Variants in LRRTM4 observed in about 807,000 individuals in gnomAD.
LRRTM4 encodes leucine rich repeat transmembrane neuronal 4.
A neutral mutation model predicts 47.6 loss-of-function variants in LRRTM4; 25 were observed. The observed-to-expected ratio is 0.53, with a 90% confidence interval of 0.38 to 0.73. The LOEUF (loss-of-function observed/expected upper bound fraction) is 0.73. Among genes scored for constraint, LRRTM4 ranks in the 30% least tolerant of loss-of-function variants. The pLI is 0.00. For synonymous variants in LRRTM4, 311 were observed against 269.5 expected, an observed-to-expected ratio of 1.15 and a Z score of -1.51; for missense variants, 638 against 713.4, an observed-to-expected ratio of 0.89 and a Z score of 1.20.
intron 3 of LRRTM4, among the ~76,000 whole-genome samples, chr2:76,919,708 G>A (rs1674374372): frequency 1.3e-5 from 2 of 152,100 alleles, no homozygotes; most frequent in South Asian, 4.1e-4. Flanking sequence ...TATTTTTACA[G>A]CCATTTTACT....
chr2:77,247,341 T>C (rs923447427), intron 3 of LRRTM4, among the ~76,000 whole-genome samples: 2 of 152,126 alleles, frequency 1.3e-5, no homozygotes, highest in Non-Finnish European at 2.9e-5. Flanking sequence ...AGTTAAAACT[T>C]GGTGTAGGTG....
At chr2:76,957,116 G>A (rs931807786) in intron 3 of LRRTM4, among the ~76,000 whole-genome samples, 8 of 151,642 alleles carry the variant, frequency 5.3e-5, no homozygotes, top group African/African-American at 1.9e-4. Context: ...GCTACAACAT[G>A]GATACACTTT....
chr2:77,221,301 C>T (rs1023732429), intron 3 of LRRTM4, among the ~76,000 whole-genome samples: 6 of 152,016 alleles, frequency 3.9e-5, no homozygotes, highest in East Asian at 1.9e-4. Context: ...CATCAACTAA[C>T]GAGCAAAATA....
intron 3 of LRRTM4, among the ~76,000 whole-genome samples, chr2:77,225,003 G>A (rs998838136): frequency 1.3e-5 from 2 of 150,770 alleles, no homozygotes; most frequent in Non-Finnish European, 1.5e-5. Context: ...AGAAAATGTG[G>A]CACATCTACA....
At chr2:77,465,601 T>TG (rs1378431027) in intron 3 of LRRTM4, among the ~76,000 whole-genome samples, 1 of 151,804 alleles carries the variant, frequency 6.6e-6, no homozygotes, top group Middle Eastern at 3.2e-3. Flanking sequence ...TGGGGAAGGG[T>TG]GGGGGTCAAG....
intron 3 of LRRTM4, among the ~76,000 whole-genome samples, chr2:77,268,955 A>G (rs191541506): frequency 6.6e-6 from 1 of 152,282 alleles, no homozygotes; most frequent in East Asian, 1.9e-4. Flanking sequence ...CAGGGCCCAG[A>G]AATACCTTTT....
chr2:77,406,197 C>T (rs1331771010), intron 3 of LRRTM4, among the ~76,000 whole-genome samples: 2 of 151,936 alleles, frequency 1.3e-5, no homozygotes, highest in Non-Finnish European at 2.9e-5. Flanking sequence ...AAAAGATATA[C>T]CTGAAAGCTG....
At chr2:76,960,218 A>G (rs572960449) in intron 3 of LRRTM4, among the ~76,000 whole-genome samples, 9 of 151,838 alleles carry the variant, frequency 5.9e-5, no homozygotes, top group African/African-American at 2.2e-4. Flanking sequence ...TAGAACAGCT[A>G]TCTCGTGGAA....
At chr2:77,339,262 T>C (rs1056562664) in intron 3 of LRRTM4, among the ~76,000 whole-genome samples, 1 of 152,028 alleles carries the variant, frequency 6.6e-6, no homozygotes, top group Non-Finnish European at 1.5e-5. Flanking sequence ...TTTAAAAAAC[T>C]GTAATTGTTT....
chr2:76,814,258 AC>A (rs1670832732), intron 3 of LRRTM4, among the ~76,000 whole-genome samples: 2 of 152,162 alleles, frequency 1.3e-5, no homozygotes, highest in Non-Finnish European at 2.9e-5. Flanking sequence ...AGAAAGAATA[AC>A]TTTTTACAGC....
chr2:76,840,017 C>T (rs1023396557), intron 3 of LRRTM4, among the ~76,000 whole-genome samples: 4 of 151,908 alleles, frequency 2.6e-5, no homozygotes, highest in Admixed American at 1.3e-4. Context: ...TAAGGCAGAC[C>T]CCCTGCTGCC....
intron 3 of LRRTM4, among the ~76,000 whole-genome samples, chr2:76,807,418 ATATATACATATATATATACG>A (rs1185884704): frequency 8.3e-5 from 7 of 84,582 alleles, no homozygotes; most frequent in Non-Finnish European, 1.4e-4. Flanking sequence ...GTATATATAT[ATATATACATATATATATACG>A]TATATACATA....
chr2:76,795,720 G>A (rs546342524), intron 3 of LRRTM4, among the ~76,000 whole-genome samples: 23 of 152,138 alleles, frequency 1.5e-4, no homozygotes, highest in South Asian at 4.1e-4. Flanking sequence ...TACTGATGTC[G>A]TTTCCTTTGG....
rs942372048 is a variant in LRRTM4 at position 77,139,485 on chromosome 2, A to G, written c.1551+378833T>C. ...TATTGATGGGGCGTATCTCAAAATA[A>G]TAAGAGCTATTTATGACAAACCCAC... On this transcript the variant is annotated intron_variant, in intron 3 of 3. Transcript: ENST00000409884. Among the ~76,000 whole-genome samples the G allele has an allele frequency of 2.6e-5, 4 of 152,284 alleles. No individual in the cohort carries two copies. The South Asian group carries it at 6.2e-4, about 24-fold the overall frequency.
chr2:77,152,506 T>C (rs1672456638), intron 3 of LRRTM4, among the ~76,000 whole-genome samples: 2 of 151,896 alleles, frequency 1.3e-5, no homozygotes, highest in Non-Finnish European at 2.9e-5. Flanking sequence ...TTTTTTGTGT[T>C]TTTAGTACAG....
chr2:76,798,821 A>C (rs1428579207), intron 3 of LRRTM4, among the ~76,000 whole-genome samples: 2 of 151,734 alleles, frequency 1.3e-5, no homozygotes, highest in Admixed American at 6.6e-5. Flanking sequence ...TACTACAAAC[A>C]CCTCTACGCA....
intron 3 of LRRTM4, among the ~76,000 whole-genome samples, chr2:77,026,840 A>G (rs746358689): frequency 2.6e-5 from 4 of 152,166 alleles, no homozygotes; most frequent in East Asian, 1.9e-4. Flanking sequence ...GAAGACTGCA[A>G]TATTGATAAA....
chr2:77,092,862 T>A (rs1394028985), intron 3 of LRRTM4, among the ~76,000 whole-genome samples: 2 of 144,304 alleles, frequency 1.4e-5, no homozygotes, highest in Non-Finnish European at 2.9e-5. Context: ...TCCCTTACGA[T>A]CCTCCATCTT....
intron 3 of LRRTM4, among the ~76,000 whole-genome samples, chr2:76,905,611 C>G (rs113590367): frequency 6.8e-6 from 1 of 147,382 alleles, no homozygotes; most frequent in Non-Finnish European, 1.5e-5. Flanking sequence ...AAAATTTAGA[C>G]GAATGTATAA....
Sources: gnomAD v4.1 joint callset for allele counts (sites outside exome capture counted in the v4.1 genomes callset) on GRCh38, gnomAD v4.1.1 for gene constraint, MANE v1.5 for transcripts, NCBI Gene and HGNC (gene_info 2026-07-23, HGNC 2026-07-21) for gene names.